SLC9D1: variants seen among roughly 807,000 people sequenced by gnomAD.
SLC9D1 encodes solute carrier family 9 member D1, also known as putative LAG1-interacting protein.
At chr13:113,505,871 T>C in the SLC9D1 span, 1 of 152,320 alleles carries the variant, frequency 6.6e-6, no homozygotes. Flanking sequence ...TTTATCTTTC[T>C]GTTTTTCCAC....
chr13:113,498,734 G>A, the SLC9D1 span: 1 of 420,446 alleles, frequency 2.4e-6, no homozygotes, highest in East Asian at 5.1e-5. Context: ...CCGACAGTCA[G>A]TTCCCCTCCT....
At chr13:113,531,768 C>T in the SLC9D1 span, among the ~76,000 whole-genome samples, 1 of 152,394 alleles carries the variant, frequency 6.6e-6, no homozygotes, top group African/African-American at 2.4e-5. Flanking sequence ...AAACTTGTCA[C>T]GGTGATTGTC....
the SLC9D1 span, chr13:113,536,553 G>A: frequency 1.0e-6 from 1 of 984,976 alleles, no homozygotes; most frequent in Admixed American, 6.1e-5. Context: ...ACTCCCAGCA[G>A]AATTGTCTTA....
the SLC9D1 span, chr13:113,500,059 T>C: frequency 6.3e-7 from 1 of 1,596,772 alleles, no homozygotes; most frequent in Non-Finnish European, 8.5e-7. Context: ...ACTTGGGTCT[T>C]AGCATGCTGA....
the SLC9D1 span, among the ~76,000 whole-genome samples, chr13:113,503,011 G>GAA: frequency 7.2e-5 from 11 of 152,248 alleles, no homozygotes; most frequent in African/African-American, 2.7e-4. Context: ...ATGGCCTCTG[G>GAA]GAAGAACGGC....
At chr13:113,516,335 C>T in the SLC9D1 span, among the ~76,000 whole-genome samples, 1 of 152,058 alleles carries the variant, frequency 6.6e-6, no homozygotes, top group East Asian at 1.9e-4. Flanking sequence ...GAGGCCAAGG[C>T]AGGTGGATCA....
At chr13:113,524,875 A>G in the SLC9D1 span, among the ~76,000 whole-genome samples, 2 of 152,118 alleles carry the variant, frequency 1.3e-5, no homozygotes, top group Non-Finnish European at 2.9e-5. Flanking sequence ...GACCATTTAC[A>G]TATCAGGTAA....
chr13:113,511,318 G>A, the SLC9D1 span, among the ~76,000 whole-genome samples: 2 of 152,196 alleles, frequency 1.3e-5, no homozygotes, highest in Admixed American at 6.5e-5. Context: ...GAGAAAATAC[G>A]GAAAGAGAAA....
At chr13:113,510,226 G>A in the SLC9D1 span, 1 of 1,611,820 alleles carries the variant, frequency 6.2e-7, no homozygotes, top group Non-Finnish European at 8.5e-7. Context: ...GACTCACTGT[G>A]TTCTCTTTAA....
At chr13:113,492,032 G>C in the SLC9D1 span, among the ~76,000 whole-genome samples, 2 of 152,364 alleles carry the variant, frequency 1.3e-5, no homozygotes, top group East Asian at 3.9e-4. Context: ...TGTTGAGACA[G>C]AGTTTTGCTG....
At chr13:113,546,556 A>G in the SLC9D1 span, among the ~76,000 whole-genome samples, 4 of 152,146 alleles carry the variant, frequency 2.6e-5, no homozygotes, top group Non-Finnish European at 5.9e-5. This position sits in a 1 kb window ranked among gnomAD's most constrained non-coding sequence, Gnocchi z 7.1. Context: ...GGTCAGGTAG[A>G]GACAGTGGTT....
the SLC9D1 span, among the ~76,000 whole-genome samples, chr13:113,537,892 T>C: frequency 9.5e-6 from 1 of 105,760 alleles, no homozygotes; most frequent in Admixed American, 1.2e-4. Context: ...AGTAGCCGTG[T>C]GTGTGTGCGT....
At chr13:113,536,079 CAAAAT>C in the SLC9D1 span, among the ~76,000 whole-genome samples, 6 of 152,146 alleles carry the variant, frequency 3.9e-5, no homozygotes, top group Admixed American at 2.0e-4. Flanking sequence ...ATAATTATCT[CAAAAT>C]AAAAAGTTTC....
chr13:113,545,546 A>G, the SLC9D1 span, among the ~76,000 whole-genome samples: 1 of 152,276 alleles, frequency 6.6e-6, no homozygotes, highest in Non-Finnish European at 1.5e-5. Context: ...TAGGCTCCAT[A>G]ATTATTGGCT....
At chr13:113,514,155 A>G in the SLC9D1 span, 1 of 152,240 alleles carries the variant, frequency 6.6e-6, no homozygotes, top group Non-Finnish European at 1.5e-5. Context: ...ACTGATACAT[A>G]TGACACATTT....
At chr13:113,538,415 T>C in the SLC9D1 span, among the ~76,000 whole-genome samples, 1 of 152,246 alleles carries the variant, frequency 6.6e-6, no homozygotes. Flanking sequence ...AGGGTCGTCT[T>C]GGCTCTATTC....
At chr13:113,516,366 A>G in the SLC9D1 span, among the ~76,000 whole-genome samples, 1 of 152,006 alleles carries the variant, frequency 6.6e-6, no homozygotes. Flanking sequence ...GGAGTTCAAG[A>G]CCGTCCTGGC....
At chr13:113,517,450 G>A in the SLC9D1 span, among the ~76,000 whole-genome samples, 5 of 152,162 alleles carry the variant, frequency 3.3e-5, no homozygotes, top group Admixed American at 6.5e-5. Context: ...GGATGGTCTC[G>A]ATCTCCTGAC....
chr13:113,546,839 G>A, the SLC9D1 span, among the ~76,000 whole-genome samples: 4 of 152,174 alleles, frequency 2.6e-5, no homozygotes, highest in South Asian at 4.1e-4. The surrounding 1 kb of genome is among the most constrained non-coding windows in gnomAD (Gnocchi z 7.1). Context: ...TGGAGACAAC[G>A]TTTCCCATTG....
Sources: gnomAD v4.1 joint callset for allele counts (sites outside exome capture counted in the v4.1 genomes callset) on GRCh38, gnomAD v4.1.1 for gene constraint, Gnocchi (gnomAD v3.1) non-coding constraint, MANE v1.5 for transcripts, NCBI Gene and HGNC (gene_info 2026-07-23, HGNC 2026-07-21) for gene names.